The following MAF variants were observed in gnomAD, a reference collection of about 807,000 sequenced individuals.
MAF encodes the protein MAF bZIP transcription factor.
In MAF, 10 loss-of-function variants were observed where a neutral mutation model predicts 22.0. The observed-to-expected ratio is 0.45, with a 90% CI of 0.28 to 0.77. The LOEUF is 0.77. Ranked by LOEUF, MAF falls within the 30% of genes least tolerant of loss-of-function variation. MAF has a pLI of 0.12. For synonymous variants in MAF, 337 were observed against 255.8 expected (o/e 1.32, Z -3.03); for missense variants, 544 against 548.4 (o/e 0.99, Z 0.08).
the MAF span, among the ~76,000 whole-genome samples, chr16:79,340,016 T>C: frequency 6.6e-6 from 1 of 152,180 alleles, no homozygotes; most frequent in African/African-American, 2.4e-5. Context: ...GCCAACTGAT[T>C]AGTTTTGATG....
chr16:79,207,018 A>C, the MAF span, among the ~76,000 whole-genome samples: 1 of 152,166 alleles, frequency 6.6e-6, no homozygotes, highest in Non-Finnish European at 1.5e-5. Context: ...GCACCGAGGT[A>C]TCTGGAGATG....
At chr16:79,338,042 C>T in the MAF span, among the ~76,000 whole-genome samples, 2 of 152,156 alleles carry the variant, frequency 1.3e-5, no homozygotes, top group Admixed American at 1.3e-4. Flanking sequence ...TAGGACGAGT[C>T]CCTGTCTTTG....
At chr16:79,474,869 G>C in the MAF span, among the ~76,000 whole-genome samples, 2 of 152,104 alleles carry the variant, frequency 1.3e-5, no homozygotes, top group Non-Finnish European at 2.9e-5. Context: ...TATCAGGAGA[G>C]ATCTAAAAGC....
the MAF span, among the ~76,000 whole-genome samples, chr16:79,315,925 G>A: frequency 5.3e-5 from 8 of 152,316 alleles, no homozygotes; most frequent in South Asian, 1.2e-3. Flanking sequence ...GTGTGTGGGG[G>A]TCCCCGCTGT....
chr16:79,267,173 C>T, the MAF span, among the ~76,000 whole-genome samples: 1 of 152,310 alleles, frequency 6.6e-6, no homozygotes, highest in East Asian at 1.9e-4. Context: ...AGTTACAGGT[C>T]ACCATGGATC....
the MAF span, among the ~76,000 whole-genome samples, chr16:79,530,983 G>T: frequency 6.6e-6 from 1 of 152,288 alleles, no homozygotes; most frequent in South Asian, 2.1e-4. Flanking sequence ...CAGGAGACTT[G>T]CCCTAGACTT....
At chr16:79,544,594 G>A in the MAF span, among the ~76,000 whole-genome samples, 88 of 152,122 alleles carry the variant, frequency 5.8e-4, no homozygotes, top group African/African-American at 2.0e-3. Context: ...ATAACATGGT[G>A]AAACCCCGTC....
the MAF span, among the ~76,000 whole-genome samples, chr16:79,544,909 C>T: frequency 1.3e-5 from 2 of 151,938 alleles, no homozygotes; most frequent in African/African-American, 2.4e-5. Flanking sequence ...AACCTAATAA[C>T]GAGGGACTGA....
chr16:79,398,114 G>T, the MAF span, among the ~76,000 whole-genome samples: 1 of 152,078 alleles, frequency 6.6e-6, no homozygotes, highest in Non-Finnish European at 1.5e-5. Flanking sequence ...TCAGTTCCCG[G>T]AGGCCACCTG....
chr16:79,255,159 C>T, the MAF span, among the ~76,000 whole-genome samples: 3 of 152,226 alleles, frequency 2.0e-5, no homozygotes, highest in Admixed American at 2.0e-4. Flanking sequence ...GATGCATATA[C>T]ACCCTCCTCA....
chr16:79,294,138 AG>A, the MAF span, among the ~76,000 whole-genome samples: 5 of 152,202 alleles, frequency 3.3e-5, no homozygotes, highest in Admixed American at 1.3e-4. Flanking sequence ...ACTTGAATTC[AG>A]GGACAAAGCA....
the MAF span, among the ~76,000 whole-genome samples, chr16:79,270,743 G>C: frequency 6.6e-6 from 1 of 152,132 alleles, no homozygotes; most frequent in Non-Finnish European, 1.5e-5. Context: ...TCCAGGCTTG[G>C]AAGGCGATCT....
At chr16:79,272,268 C>T in the MAF span, among the ~76,000 whole-genome samples, 1 of 152,302 alleles carries the variant, frequency 6.6e-6, no homozygotes, top group Admixed American at 6.5e-5. Context: ...AAACACCAGG[C>T]GGAGAAGAGA....
At chr16:79,355,739 T>C in the MAF span, among the ~76,000 whole-genome samples, 1 of 152,194 alleles carries the variant, frequency 6.6e-6, no homozygotes, top group Non-Finnish European at 1.5e-5. Context: ...TGTTGAACTT[T>C]TGCAGGGAGA....
chr16:79,363,092 G>A, the MAF span, among the ~76,000 whole-genome samples: 2 of 151,488 alleles, frequency 1.3e-5, no homozygotes, highest in African/African-American at 2.4e-5. Context: ...AACATGCAGG[G>A]AAGAAGAGGG....
At chr16:79,572,933 C>T in the MAF span, among the ~76,000 whole-genome samples, 181 of 152,258 alleles carry the variant, frequency 1.2e-3, 1 homozygote, top group African/African-American at 4.2e-3. Context: ...TAAGAGGTTA[C>T]CCAATTTAAA....
At chr16:79,349,391 T>C in the MAF span, among the ~76,000 whole-genome samples, 5 of 152,246 alleles carry the variant, frequency 3.3e-5, no homozygotes, top group Admixed American at 1.3e-4. Flanking sequence ...AAGTGTTTTC[T>C]AGCTCATCTG....
chr16:79,266,901 T>C, the MAF span, among the ~76,000 whole-genome samples: 2 of 152,190 alleles, frequency 1.3e-5, no homozygotes, highest in African/African-American at 4.8e-5. Context: ...GGTATCATGG[T>C]AATGACATGT....
the MAF span, among the ~76,000 whole-genome samples, chr16:79,519,513 T>A: frequency 3.3e-5 from 5 of 152,164 alleles, no homozygotes; most frequent in Non-Finnish European, 5.9e-5. Context: ...CGAAGCAGCA[T>A]GTTCTGGCCT....
Sources: gnomAD v4.1 joint callset for allele counts (sites outside exome capture counted in the v4.1 genomes callset) on GRCh38, gnomAD v4.1.1 for gene constraint, MANE v1.5 for transcripts, NCBI Gene and HGNC (gene_info 2026-07-23, HGNC 2026-07-21) for gene names.